Variants in LRRFIP1 observed in about 807,000 individuals in gnomAD.
LRRFIP1 encodes LRR binding FLII interacting protein 1.
In LRRFIP1, 62 loss-of-function variants were observed where a neutral mutation model predicts 104.4. The ratio of observed to expected loss-of-function variants is 0.59; its 90% CI spans 0.48 to 0.73. The LOEUF is 0.73. Among genes scored for constraint, LRRFIP1 ranks in the 30% least tolerant of loss-of-function variants. The pLI is 0.00. For synonymous variants in LRRFIP1, 300 were observed against 299.0 expected, an observed-to-expected ratio of 1.00 and a Z score of -0.03; for missense variants, 796 against 824.5, an observed-to-expected ratio of 0.97 and a Z score of 0.42.
At chr2:237,758,551 A>G (rs942184344) in intron 17 of LRRFIP1, among the ~76,000 whole-genome samples, 178 bp from the exon 18 acceptor site, 4 of 152,232 alleles carry the variant, frequency 2.6e-5, no homozygotes, top group African/African-American at 9.6e-5. Flanking sequence ...TGGATTATAT[A>G]TACTAAGCGA....
intron 19 of LRRFIP1, chr2:237,762,784 A>G (rs751606875): frequency 1.2e-6 from 2 of 1,614,256 alleles, no homozygotes; most frequent in South Asian, 1.1e-5. Context: ...ACACTGCCCC[A>G]TTCCTAGGAA....
At chr2:237,696,648 T>C (rs2093203138) in intron 1 of LRRFIP1, among the ~76,000 whole-genome samples, 1 of 152,214 alleles carries the variant, frequency 6.6e-6, no homozygotes, top group Admixed American at 6.5e-5. Flanking sequence ...GTCAGGGACT[T>C]TCCAAGCCCT....
chr2:237,647,702 C>T (rs140283949), intron 1 of LRRFIP1, among the ~76,000 whole-genome samples: 33 of 112,614 alleles, frequency 2.9e-4, no homozygotes, highest in African/African-American at 9.4e-4. Flanking sequence ...CCTGTCACCC[C>T]GTGGCCGGCC....
intron 14 of LRRFIP1, among the ~76,000 whole-genome samples, chr2:237,751,771 T>C (rs1042766614): frequency 6.6e-6 from 1 of 152,234 alleles, no homozygotes; most frequent in Non-Finnish European, 1.5e-5. Flanking sequence ...AAAGACTGAC[T>C]ATGGCATTGG....
intron 1 of LRRFIP1, among the ~76,000 whole-genome samples, chr2:237,650,894 G>A (rs1029102632): frequency 6.6e-6 from 1 of 152,180 alleles, no homozygotes; most frequent in Non-Finnish European, 1.5e-5. Context: ...CTGGGTAAAT[G>A]TCGGGTTCTG....
chr2:237,683,635 C>T (rs2092070554), intron 1 of LRRFIP1: 1 of 152,236 alleles, frequency 6.6e-6, no homozygotes, highest in Non-Finnish European at 1.5e-5. Context: ...AGGGCAAACC[C>T]TTCTATTAGA....
At chr2:237,749,939 C>T (rs1034831294) in intron 13 of LRRFIP1, among the ~76,000 whole-genome samples, 30 of 152,170 alleles carry the variant, frequency 2.0e-4, no homozygotes, top group African/African-American at 7.2e-4. Flanking sequence ...TAACTAGGGA[C>T]AGTGCATCTG....
intron 11 of LRRFIP1, among the ~76,000 whole-genome samples, chr2:237,744,353 G>C (rs1174409563): frequency 6.6e-6 from 1 of 152,184 alleles, no homozygotes; most frequent in African/African-American, 2.4e-5. Context: ...GCCTGGCTGG[G>C]TGTTGAGGAC....
chr2:237,739,352 C>G (rs1287772536), intron 11 of LRRFIP1, 43 bp downstream of exon 11: 2 of 1,493,294 alleles, frequency 1.3e-6, no homozygotes, highest in Non-Finnish European at 1.8e-6. Context: ...GTGTCACCCT[C>G]CCTCCCCCTT....
In LRRFIP1 at chr2:237,699,600, C is replaced by T. The variant is rs149267180; in HGVS notation, c.97-8944C>T. ...CTCCTGACCTCAGATGATCCGCCTG[C>T]CTCGGCCTCCCAAAGTGCTGGGATT... On this transcript the variant is annotated intron_variant, in intron 1 of 23. Coordinates refer to ENST00000308482, the MANE Select transcript of LRRFIP1 (RefSeq NM_001137550.2). 1.4e-3 allele frequency among the ~76,000 whole-genome samples: 208 copies of T among 152,322 alleles called. 2 individuals carry two copies. The highest frequency in any genetic ancestry group is 4.9e-3 in the African/African-American group (203 of 41,572).
chr2:237,639,291 C>T (rs1278445989), intron 1 of LRRFIP1, among the ~76,000 whole-genome samples: 1 of 152,166 alleles, frequency 6.6e-6, no homozygotes, highest in African/African-American at 2.4e-5. Context: ...GCCCTTGGGA[C>T]TGATGAAATG....
At position 237,691,735 on chromosome 2, in the gene LRRFIP1, G is replaced by A. The variant is rs1446089576; in HGVS notation, c.97-16809G>A. ...CTTCGGGTCGACCCCTACTGGGCGC[G>A]GCATCCTCCCCGGAGCGCCCGCTTC... On this transcript the variant is annotated intron_variant, in intron 1 of 23. Coordinates refer to ENST00000308482, the MANE Select transcript of LRRFIP1 (RefSeq NM_001137550.2). The surrounding 1 kb of genome is among the most constrained non-coding windows in gnomAD (Gnocchi z 5.4). Among the ~76,000 whole-genome samples, 2 of 151,988 alleles carry A rather than the reference G, an allele frequency of 1.3e-5. No individual in the cohort carries two copies. The highest frequency in any genetic ancestry group is 2.4e-5 in the African/African-American group (1 of 41,392).
rs561489055 is a variant in LRRFIP1, at chr2:237,767,498, GTA to G, written c.1460-2443_1460-2442del. On this transcript the variant is annotated intron_variant, in intron 19 of 23. Transcript: ENST00000308482. ...AGTATAATTAAGTATAATTATGGGT[GTA>G]TGTCAAAAATATAGAGGAAGATGGA... Among the ~76,000 whole-genome samples the G allele has an allele frequency of 1.4e-4, 21 of 152,290 alleles. No homozygotes were observed. In the South Asian group the frequency reaches 2.1e-3, roughly 15 times the overall value.
chr2:237,728,708 A>C (rs190438232), intron 8 of LRRFIP1, among the ~76,000 whole-genome samples: 1 of 152,122 alleles, frequency 6.6e-6, no homozygotes, highest in East Asian at 1.9e-4. Flanking sequence ...AATATTCCTA[A>C]TTGTGTAAAA....
At chr2:237,753,752 A>G (rs1415082255) in intron 15 of LRRFIP1, among the ~76,000 whole-genome samples, 2 of 146,948 alleles carry the variant, frequency 1.4e-5, no homozygotes, top group Non-Finnish European at 3.0e-5. Flanking sequence ...TGTTGACACC[A>G]CTGCACTCCA....
At chr2:237,642,974 G>A (rs1207529734) in intron 1 of LRRFIP1, among the ~76,000 whole-genome samples, 2 of 152,202 alleles carry the variant, frequency 1.3e-5, no homozygotes, top group African/African-American at 4.8e-5. Flanking sequence ...TCTATAAGGT[G>A]GGATAAATCC....
intron 1 of LRRFIP1, among the ~76,000 whole-genome samples, chr2:237,701,271 A>G (rs751035640): frequency 3.3e-5 from 5 of 152,196 alleles, no homozygotes; most frequent in Non-Finnish European, 4.4e-5. Context: ...GGTAGGAGCC[A>G]CAAGAAGGAT....
rs564695865 is a variant in LRRFIP1, at chr2:237,733,524, G to A, written c.445-250G>A. On this transcript the variant is annotated intron_variant, in intron 8 of 23. Coordinates refer to ENST00000308482, the MANE Select transcript of LRRFIP1 (RefSeq NM_001137550.2). ...ATGCCTGAAATGACTAGAAATGATC[G>A]TGTTTTAAAGATGCTGGGAAGTTTA... 5.3e-5 allele frequency among the ~76,000 whole-genome samples: 8 copies of A among 152,284 alleles called. No individual in the cohort carries two copies. In the East Asian group the frequency reaches 7.7e-4, roughly 15 times the overall value.
chr2:237,717,908 C>G lies in LRRFIP1; in HGVS notation c.249+99C>G. 1.1e-6 allele frequency: 1 copy of G among 942,302 alleles called. No homozygotes were observed. Among genetic ancestry groups the G allele is most frequent in the Non-Finnish European group, 1.8e-6 (1 of 567,526 alleles). 58.4% of individuals were successfully genotyped at this position (942,302 alleles called of 1,614,324 possible). On this transcript the variant is annotated intron_variant, in intron 4 of 23. Transcript: ENST00000308482. This position sits in a 1 kb window ranked among gnomAD's most constrained non-coding sequence, Gnocchi z 4.2. The stretch of plus-strand genomic sequence containing the variant: ...ATAATGTAATTCTTACGCAGTTTAA[C>G]TATGTAGATAGATTCCTATTGCACC...
Sources: gnomAD v4.1 joint callset for allele counts (sites outside exome capture counted in the v4.1 genomes callset) on GRCh38, gnomAD v4.1.1 for gene constraint, Gnocchi (gnomAD v3.1) non-coding constraint, MANE v1.5 for transcripts, NCBI Gene and HGNC (gene_info 2026-07-23, HGNC 2026-07-21) for gene names.